The following SRGAP1 variants were observed in gnomAD, a reference collection of about 807,000 sequenced individuals.
SRGAP1 encodes SLIT-ROBO Rho GTPase-activating protein 1.
Under a neutral mutation model 121.9 loss-of-function variants are expected in SRGAP1, and 43 were observed. The observed-to-expected ratio is 0.35, with a 90% confidence interval of 0.28 to 0.46. SRGAP1 has a LOEUF of 0.46. SRGAP1 is among the 20% of genes least tolerant of loss of function. The pLI, the probability that SRGAP1 is intolerant of heterozygous loss-of-function variation, is 1.00. For synonymous variants in SRGAP1, 447 were observed against 485.4 expected (o/e 0.92, Z 1.04); for missense variants, 1,102 against 1,350.9 (o/e 0.82, Z 2.89).
rs146104757 is a variant in SRGAP1 at position 63,943,828 on chromosome 12, A to C, written c.68-40119A>C. 7.2e-3 allele frequency among the ~76,000 whole-genome samples: 1,103 copies of C among 152,308 alleles called. 18 individuals are homozygous for C. The highest frequency in any genetic ancestry group is 0.025 in the African/African-American group (1,056 of 41,558). ...TGATTTTTTTAGGCATCAGCAGTACATGGCTGGAATATGAAACCATAGGGA... is the reference window on the plus strand; with the variant it reads ...TGATTTTTTTAGGCATCAGCAGTACCTGGCTGGAATATGAAACCATAGGGA... On this transcript the variant is annotated intron_variant, in intron 1 of 21. Coordinates refer to ENST00000355086, the MANE Select transcript of SRGAP1 (RefSeq NM_020762.4).
chr12:63,959,616 TAG>T (rs759977773), intron 1 of SRGAP1, among the ~76,000 whole-genome samples: 13 of 152,212 alleles, frequency 8.5e-5, no homozygotes, highest in Admixed American at 2.0e-4. Flanking sequence ...GGAGCCTTAG[TAG>T]ATTTATTAGT....
chr12:63,871,760 C>T, intron 1 of SRGAP1: 1 of 1,160,812 alleles, frequency 8.6e-7, no homozygotes, highest in South Asian at 1.2e-5. Context: ...TCACTTGGTC[C>T]TTTCTTTTCT....
At position 64,078,903 on chromosome 12, in the gene SRGAP1, G is replaced by A; in HGVS notation, c.1126-16G>A. The stretch of plus-strand genomic sequence containing the variant: ...GAAATAATGTACTAACGTGAGAAAT[G>A]TATTTCTATTCCCAGGTTAAGAAAA... On this transcript the variant is annotated splice_polypyrimidine_tract_variant and intron_variant, in intron 8 of 21. Coordinates refer to ENST00000355086, the MANE Select transcript of SRGAP1 (RefSeq NM_020762.4). 1 of 1,608,352 alleles carries A rather than the reference G, an allele frequency of 6.2e-7. No individual in the cohort carries two copies. The highest frequency in any genetic ancestry group is 8.5e-7 in the Non-Finnish European group (1 of 1,178,362).
At chr12:63,975,490 G>C (rs1269617487) in intron 1 of SRGAP1, among the ~76,000 whole-genome samples, 1 of 152,102 alleles carries the variant, frequency 6.6e-6, no homozygotes, top group Non-Finnish European at 1.5e-5. Context: ...CATTGAATAA[G>C]TGAAATTAAT....
intron 6 of SRGAP1, among the ~76,000 whole-genome samples, chr12:64,052,852 T>C (rs578114248): frequency 6.6e-6 from 1 of 152,330 alleles, no homozygotes; most frequent in East Asian, 1.9e-4. Flanking sequence ...TTATAATTTC[T>C]AGTTTTGAGG....
intron 1 of SRGAP1, among the ~76,000 whole-genome samples, chr12:63,951,336 G>C (rs2032288708): frequency 6.6e-6 from 1 of 151,594 alleles, no homozygotes; most frequent in Admixed American, 6.6e-5. Context: ...GCTAATTTTT[G>C]TATTTTTAGT....
intron 1 of SRGAP1, among the ~76,000 whole-genome samples, chr12:63,967,581 G>A (rs1398822829): frequency 2.0e-5 from 3 of 152,214 alleles, no homozygotes; most frequent in Non-Finnish European, 4.4e-5. Context: ...CCTGACAAAA[G>A]CACAGGTTGC....
chr12:63,871,637 C>CTT, intron 1 of SRGAP1: 17 of 492,074 alleles, frequency 3.5e-5, no homozygotes, highest in East Asian at 7.0e-5. Flanking sequence ...TTTCTTTTTT[C>CTT]TTTTTTTTTT....
Position 64,142,604 on chromosome 12 carries a change from A to G in SRGAP1, c.3190A>G (p.Lys1064Glu). The stretch of plus-strand genomic sequence containing the variant: ...TAGGCCAAAACCTGCTGTTCTTCCA[A>G]AAACAAATCCTACCATAGGACCTGC... ...ALRPKPAVLPKTNPTIGPAPP... is the reference protein window; with the variant it reads ...ALRPKPAVLPETNPTIGPAPP... Residue 1064 changes from lysine to glutamate, a missense_variant, in exon 22 of 22, where the codon AAA becomes GAA. By Grantham distance (56) the Lys-to-Glu change is moderately conservative (BLOSUM62 1). Around this residue, in one of 3 missense-constraint regions of SRGAP1, gnomAD observed 315 missense variants for 343.1 expected, o/e 0.92. Coordinates refer to ENST00000355086, the MANE Select transcript of SRGAP1 (RefSeq NM_020762.4). 1 of 1,614,198 alleles carries G rather than the reference A, an allele frequency of 6.2e-7. No individual in the cohort carries two copies. Among genetic ancestry groups the G allele is most frequent in the Non-Finnish European group, 8.5e-7 (1 of 1,180,034 alleles).
At chr12:64,014,053 A>T (rs151052793) in intron 3 of SRGAP1, among the ~76,000 whole-genome samples, 407 of 152,328 alleles carry the variant, frequency 2.7e-3, no homozygotes, top group African/African-American at 9.2e-3. Flanking sequence ...ATTATGGTGT[A>T]TTCACTGTGT....
At chr12:64,003,499 A>G (rs1308160601) in intron 3 of SRGAP1, among the ~76,000 whole-genome samples, 2 of 148,870 alleles carry the variant, frequency 1.3e-5, no homozygotes, top group Non-Finnish European at 3.0e-5. Flanking sequence ...AAAAAAAAAA[A>G]GGTATAAATG....
At chr12:63,877,219 C>T (rs1014020929) in intron 1 of SRGAP1, among the ~76,000 whole-genome samples, 1 of 151,980 alleles carries the variant, frequency 6.6e-6, no homozygotes, top group African/African-American at 2.4e-5. Context: ...AGTGAAACTC[C>T]ATCTCAAAAA....
At position 64,064,090 on chromosome 12, in the gene SRGAP1, G is replaced by A. The variant is rs1308997101; in HGVS notation, c.1023+952G>A. Among the ~76,000 whole-genome samples the A allele has an allele frequency of 2.0e-5, 3 of 152,046 alleles. No homozygotes were observed. In the East Asian group the frequency reaches 5.8e-4, roughly 29 times the overall value. On this transcript the variant is annotated intron_variant, in intron 7 of 21. Coordinates refer to ENST00000355086, the MANE Select transcript of SRGAP1 (RefSeq NM_020762.4). ...TATCCCATCTTTCCAAAACCAAATG[G>A]TTGCTGTTTTAATTTTTCAGCTGTG...
chr12:63,980,554 G>C (rs1044021988), intron 1 of SRGAP1, among the ~76,000 whole-genome samples: 2 of 151,750 alleles, frequency 1.3e-5, no homozygotes, highest in African/African-American at 4.8e-5. Flanking sequence ...TGCTGGGGCA[G>C]TATAAGGAAT....
At position 64,011,191 on chromosome 12, in the gene SRGAP1, T is replaced by TAA. The variant is rs35432896; in HGVS notation, c.427-5752_427-5751dup. On this transcript the variant is annotated intron_variant, in intron 3 of 21. Coordinates refer to ENST00000355086, the MANE Select transcript of SRGAP1 (RefSeq NM_020762.4). ...AGTTAGGCAGAAGTTATGGATGAGT[T>TAA]AAAAAAAATTGAACTCTATCCTAAA... Among the ~76,000 whole-genome samples the TAA allele has an allele frequency of 2.6e-5, 4 of 151,622 alleles. No homozygotes were observed. The South Asian group carries it at 6.3e-4, about 24-fold the overall frequency.
At chr12:64,101,308 G>GGTAT (rs1555174258) in intron 15 of SRGAP1, among the ~76,000 whole-genome samples, 18 of 138,098 alleles carry the variant, frequency 1.3e-4, no homozygotes, top group Admixed American at 8.8e-4. Context: ...TGGGGAAAGG[G>GGTAT]GTGTGTGTGT....
Position 64,095,149 on chromosome 12 carries a change from CAG to C in SRGAP1, c.1626_1627del (p.Arg542SerfsTer10), listed in dbSNP as rs2036131623. On this transcript the variant is annotated frameshift_variant, in exon 14 of 22. Transcript: ENST00000355086. LOFTEE classifies it high-confidence loss of function. ...LYGLQHQGIF[R>X]VSGSQVEVND... ...TAGGTCTTCAGCATCAGGGGATTTT[CAG>C]AGTGTCTGGTTCCCAGGTGGAAGTC... is the stretch of plus-strand genomic sequence containing the variant. The C allele has an allele frequency of 1.2e-6, 2 of 1,614,084 alleles. No individual in the cohort carries two copies. The highest frequency in any genetic ancestry group is 1.7e-6 in the Non-Finnish European group (2 of 1,180,010).
In SRGAP1 at chr12:63,896,900, T is replaced by C. The variant is rs143608150; in HGVS notation, c.67+52017T>C. On this transcript the variant is annotated intron_variant, in intron 1 of 21. Coordinates refer to ENST00000355086, the MANE Select transcript of SRGAP1 (RefSeq NM_020762.4). ...GATAAATTTGGGAAACCTAGTTCTG[T>C]GACGAAATTACATTTAGAAAATACT... Among the ~76,000 whole-genome samples, 140 of 152,318 alleles carry C rather than the reference T, an allele frequency of 9.2e-4. 1 individual carries two copies. The highest frequency in any genetic ancestry group is 2.2e-3 in the Admixed American group (34 of 15,290).
intron 8 of SRGAP1, among the ~76,000 whole-genome samples, chr12:64,067,940 A>G (rs2035569067): frequency 6.6e-6 from 1 of 151,700 alleles, no homozygotes; most frequent in African/African-American, 2.4e-5. Context: ...AAAAGTTGAG[A>G]GAGAATTTCA....
Sources: gnomAD v4.1 joint callset for allele counts (sites outside exome capture counted in the v4.1 genomes callset) on GRCh38, gnomAD v4.1.1 for gene constraint, gnomAD v4.1.1 regional missense constraint, MANE v1.5 for transcripts, NCBI Gene and HGNC (gene_info 2026-07-23, HGNC 2026-07-21) for gene names.